HTR7: variants seen among roughly 807,000 people sequenced by gnomAD.
HTR7 encodes the protein 5-hydroxytryptamine receptor 7.
Under a neutral mutation model 34.0 loss-of-function variants are expected in HTR7, and 16 were observed. That is an observed-to-expected ratio of 0.47 (90% CI 0.32 to 0.71). HTR7 has a LOEUF of 0.71. Ranked by LOEUF, HTR7 falls within the 30% of genes least tolerant of loss-of-function variation. The pLI is 0.04. For synonymous variants in HTR7, 265 were observed against 260.2 expected (o/e 1.02, Z -0.18); for missense variants, 504 against 625.5 (o/e 0.81, Z 2.07).
intron 1 of HTR7, among the ~76,000 whole-genome samples, chr10:90,820,903 A>G (rs923267720): frequency 1.3e-4 from 20 of 152,204 alleles, no homozygotes; most frequent in African/African-American, 4.8e-4. Context: ...ATACATTTTT[A>G]AAAACTTAAC....
At chr10:90,832,693 G>A (rs763334535) in intron 1 of HTR7, among the ~76,000 whole-genome samples, 3 of 152,196 alleles carry the variant, frequency 2.0e-5, no homozygotes, top group South Asian at 2.1e-4. Context: ...AGGAGGCACC[G>A]AGAGTGAGCG....
At chr10:90,810,312 A>T in intron 1 of HTR7, among the ~76,000 whole-genome samples, 1 of 151,110 alleles carries the variant, frequency 6.6e-6, no homozygotes, top group East Asian at 1.9e-4. Flanking sequence ...CCCCACCTTA[A>T]CCCACAAGTA....
chr10:90,819,787 A>G (rs1845950645), intron 1 of HTR7, among the ~76,000 whole-genome samples: 1 of 152,094 alleles, frequency 6.6e-6, no homozygotes, highest in Non-Finnish European at 1.5e-5. Flanking sequence ...ACTAGCTTTG[A>G]GGAAGGGTGG....
intron 1 of HTR7, among the ~76,000 whole-genome samples, chr10:90,792,702 A>T (rs1485900991): frequency 2.0e-5 from 3 of 152,082 alleles, no homozygotes; most frequent in Admixed American, 2.0e-4. Context: ...ATATACTTTC[A>T]GCTTTCCATT....
At chr10:90,820,925 C>T (rs767970687) in intron 1 of HTR7, among the ~76,000 whole-genome samples, 4 of 152,114 alleles carry the variant, frequency 2.6e-5, no homozygotes, top group Admixed American at 6.5e-5. Context: ...ATCAAAAAAC[C>T]CTATGAGGAA....
chr10:90,803,399 G>A (rs181588412), intron 1 of HTR7, among the ~76,000 whole-genome samples: 6 of 152,242 alleles, frequency 3.9e-5, no homozygotes, highest in Admixed American at 6.5e-5. Flanking sequence ...TACGTTTACT[G>A]GAGTTGTACA....
intron 1 of HTR7, among the ~76,000 whole-genome samples, chr10:90,830,789 G>GAAAAA: frequency 1.2e-5 from 1 of 83,786 alleles, no homozygotes; most frequent in Non-Finnish European, 2.4e-5. Flanking sequence ...CCCTGTCTCA[G>GAAAAA]AAAAAAAAAA....
rs145555699 is a variant in HTR7, at chr10:90,832,212, G to A, written c.539+24921C>T. Reference sequence around the variant, plus strand: ...CCTTGGGTGGTGGATGGGACCAGGCGCCGTGGAGCAGGGGGTGGCACTCGT... The same window carrying A: ...CCTTGGGTGGTGGATGGGACCAGGCACCGTGGAGCAGGGGGTGGCACTCGT... On this transcript the variant is annotated intron_variant, in intron 1 of 3. Coordinates refer to ENST00000336152, the MANE Select transcript of HTR7 (RefSeq NM_019859.4). Among the ~76,000 whole-genome samples the A allele has an allele frequency of 1.0e-3, 155 of 152,312 alleles. 1 individual carries two copies. Among genetic ancestry groups the A allele is most frequent in the African/African-American group, 3.3e-3 (137 of 41,586 alleles).
intron 1 of HTR7, among the ~76,000 whole-genome samples, chr10:90,768,819 A>G (rs1223662154): frequency 6.6e-6 from 1 of 152,260 alleles, no homozygotes; most frequent in East Asian, 1.9e-4. Flanking sequence ...GATGAGAAAG[A>G]TCAAACATAA....
intron 1 of HTR7, among the ~76,000 whole-genome samples, chr10:90,818,870 G>A (rs968730715): frequency 2.6e-5 from 4 of 152,178 alleles, no homozygotes; most frequent in Admixed American, 2.6e-4. Flanking sequence ...TCTCATGATA[G>A]TCAGTGAATT....
Position 90,754,903 on chromosome 10 carries a change from G to C in HTR7, c.540-5309C>G, listed in dbSNP as rs912455945. ...TCACACACTTAGAACACCTCCTCCA[G>C]GAGATTCCTCCCTTGCAGTTGGCAA... On this transcript the variant is annotated intron_variant, in intron 1 of 3. Coordinates refer to ENST00000336152, the MANE Select transcript of HTR7 (RefSeq NM_019859.4). Among the ~76,000 whole-genome samples, 4 of 152,282 alleles carry C rather than the reference G, an allele frequency of 2.6e-5. No homozygotes were observed. The East Asian group carries it at 7.7e-4, about 29-fold the overall frequency.
At chr10:90,832,649 T>C (rs947168336) in intron 1 of HTR7, among the ~76,000 whole-genome samples, 7 of 151,906 alleles carry the variant, frequency 4.6e-5, no homozygotes, top group Non-Finnish European at 7.4e-5. Flanking sequence ...GCTGAAGGGC[T>C]CCTCAAGCAT....
intron 1 of HTR7, among the ~76,000 whole-genome samples, chr10:90,759,661 C>CAAA (rs60718814): frequency 1.3e-4 from 9 of 69,366 alleles, no homozygotes; most frequent in East Asian, 4.1e-4. Flanking sequence ...GACTCTGTCT[C>CAAA]AAAAAAAAAA....
intron 1 of HTR7, among the ~76,000 whole-genome samples, chr10:90,845,670 A>G (rs567668445): frequency 6.6e-6 from 1 of 152,234 alleles, no homozygotes; most frequent in Non-Finnish European, 1.5e-5. Flanking sequence ...CCAAAGAAGC[A>G]TGACCCAGTG....
At chr10:90,837,078 C>T (rs547294407) in intron 1 of HTR7, among the ~76,000 whole-genome samples, 1 of 152,276 alleles carries the variant, frequency 6.6e-6, no homozygotes, top group Admixed American at 6.5e-5. Context: ...GCCCCAGCTT[C>T]CCTACTATAC....
At chr10:90,813,733 A>AG (rs1845855441) in intron 1 of HTR7, among the ~76,000 whole-genome samples, 1 of 152,182 alleles carries the variant, frequency 6.6e-6, no homozygotes, top group Non-Finnish European at 1.5e-5. Flanking sequence ...GGGGCTAGGC[A>AG]GGTTCAAAAT....
chr10:90,761,043 A>G (rs571132885), intron 1 of HTR7, among the ~76,000 whole-genome samples: 29 of 152,358 alleles, frequency 1.9e-4, no homozygotes, highest in African/African-American at 7.0e-4. Flanking sequence ...TTGTTAAAAT[A>G]ACATGTATAG....
chr10:90,750,143 T>C (rs1844712050), intron 1 of HTR7, among the ~76,000 whole-genome samples: 1 of 152,178 alleles, frequency 6.6e-6, no homozygotes, highest in Admixed American at 6.5e-5. Flanking sequence ...TCCTAGAGTG[T>C]TGAAATGGTT....
Position 90,795,503 on chromosome 10 carries a change from T to C in HTR7, c.540-45909A>G, listed in dbSNP as rs1845524313. On this transcript the variant is annotated intron_variant, in intron 1 of 3. Coordinates refer to ENST00000336152, the MANE Select transcript of HTR7 (RefSeq NM_019859.4). Reference sequence around the variant, plus strand: ...TGATAAAGGTAGAAGACATTATCAGTTTAGGTGTGAAACTAGAAGTAAGAA... The same window carrying C: ...TGATAAAGGTAGAAGACATTATCAGCTTAGGTGTGAAACTAGAAGTAAGAA... 3.3e-5 allele frequency among the ~76,000 whole-genome samples: 5 copies of C among 152,114 alleles called. No individual in the cohort carries two copies. In the South Asian group the frequency reaches 6.2e-4, roughly 19 times the overall value.
Sources: gnomAD v4.1 joint callset for allele counts (sites outside exome capture counted in the v4.1 genomes callset) on GRCh38, gnomAD v4.1.1 for gene constraint, MANE v1.5 for transcripts, NCBI Gene and HGNC (gene_info 2026-07-23, HGNC 2026-07-21) for gene names.